TTC7B: variants seen among roughly 807,000 people sequenced by gnomAD.
TTC7B encodes tetratricopeptide repeat domain 7B.
In TTC7B, 28 loss-of-function variants were observed where a neutral mutation model predicts 106.8. The observed-to-expected ratio is 0.26, with a 90% CI of 0.19 to 0.36. The LOEUF (loss-of-function observed/expected upper bound fraction) is 0.36. TTC7B is among the 10% of genes least tolerant of loss of function. TTC7B has a pLI of 1.00. For synonymous variants in TTC7B, 405 were observed against 430.6 expected, an observed-to-expected ratio of 0.94 and a Z score of 0.74; for missense variants, 862 against 1,076.4, an observed-to-expected ratio of 0.80 and a Z score of 2.79.
chr14:90,744,398 C>T (rs1175309402), intron 4 of TTC7B, among the ~76,000 whole-genome samples: 1 of 152,144 alleles, frequency 6.6e-6, no homozygotes, highest in African/African-American at 2.4e-5. Context: ...ACTGCAACCT[C>T]CATCTCCTGG....
chr14:90,690,954 T>C (rs1053244044), intron 6 of TTC7B, among the ~76,000 whole-genome samples: 9 of 151,920 alleles, frequency 5.9e-5, no homozygotes, highest in African/African-American at 1.9e-4. Flanking sequence ...TAAATGTCTA[T>C]AAAAATGTGA....
chr14:90,647,712 A>T (rs184859115), intron 13 of TTC7B, among the ~76,000 whole-genome samples: 208 of 152,270 alleles, frequency 1.4e-3, no homozygotes, highest in Non-Finnish European at 2.5e-3. Context: ...GCTGATTGCA[A>T]ACGTGGTCTT....
chr14:90,816,309 G>GGCCCGGCC lies in TTC7B; in HGVS notation c.-22_-15dup. 2.7e-6 allele frequency: 3 copies of GGCCCGGCC among 1,127,560 alleles called. No individual in the cohort carries two copies. Among genetic ancestry groups the GGCCCGGCC allele is most frequent in the Non-Finnish European group, 3.3e-6 (3 of 900,554 alleles). The allele number at this position is 1,127,560 out of a possible 1,614,324, so 69.8% of individuals were successfully genotyped here. On this transcript the variant is annotated 5_prime_UTR_variant, in exon 1 of 20. Transcript: ENST00000328459. Reference sequence around the variant, plus strand: ...CTTGGTCGCCATCGCGGCCTGGCCGGGCCCGGCCGCCCGCCCCGCAGGCCC... The same window carrying GGCCCGGCC: ...CTTGGTCGCCATCGCGGCCTGGCCGGGCCCGGCCGCCCGGCCGCCCGCCCCGCAGGCCC...
intron 3 of TTC7B, among the ~76,000 whole-genome samples, chr14:90,762,981 T>C (rs1890549929): frequency 6.6e-6 from 1 of 152,156 alleles, no homozygotes. Context: ...CTTAAAGAAC[T>C]ACCACCAATT....
chr14:90,634,575 C>T (rs1438972342), intron 15 of TTC7B, among the ~76,000 whole-genome samples: 1 of 152,030 alleles, frequency 6.6e-6, no homozygotes, highest in East Asian at 1.9e-4. Flanking sequence ...AGTTCAAGAC[C>T]AGCCCGGCCA....
At chr14:90,603,833 C>A (rs970686464) in intron 17 of TTC7B, among the ~76,000 whole-genome samples, 1 of 152,160 alleles carries the variant, frequency 6.6e-6, no homozygotes, top group Admixed American at 6.5e-5. Context: ...TGTTTTCCCC[C>A]CTCTAACTAA....
intron 14 of TTC7B, among the ~76,000 whole-genome samples, chr14:90,646,493 G>A (rs1885460374): frequency 6.6e-6 from 1 of 152,186 alleles, no homozygotes; most frequent in African/African-American, 2.4e-5. Context: ...TAAAGGACCT[G>A]GTTCTTTTGT....
chr14:90,665,777 A>C (rs1316249088), intron 9 of TTC7B, among the ~76,000 whole-genome samples: 2 of 152,238 alleles, frequency 1.3e-5, no homozygotes, highest in Non-Finnish European at 2.9e-5. Flanking sequence ...AAAAGTTCTT[A>C]TGACATAGAT....
intron 17 of TTC7B, among the ~76,000 whole-genome samples, chr14:90,605,945 T>C (rs1892621317): frequency 6.6e-6 from 1 of 152,238 alleles, no homozygotes; most frequent in Admixed American, 6.5e-5. Context: ...AATTTGTTTT[T>C]CCACTGGTTA....
At chr14:90,613,862 C>T (rs910118947) in intron 16 of TTC7B, among the ~76,000 whole-genome samples, 4 of 152,242 alleles carry the variant, frequency 2.6e-5, no homozygotes, top group African/African-American at 9.6e-5. Flanking sequence ...TGCGTAGATG[C>T]GCACATGCAG....
rs113630219 is a variant in TTC7B, at chr14:90,723,908, C to T, written c.698+6167G>A. 1.8e-4 allele frequency among the ~76,000 whole-genome samples: 28 copies of T among 152,308 alleles called. 2 individuals are homozygous for T. Among genetic ancestry groups the T allele is most frequent in the East Asian group, 1.3e-3 (7 of 5,186 alleles). On this transcript the variant is annotated intron_variant, in intron 5 of 19. Coordinates refer to ENST00000328459, the MANE Select transcript of TTC7B (RefSeq NM_001010854.2). Reference sequence around the variant, plus strand: ...TACTTAGCAGAACTCAACAAATACTCGTTGAATAACTGACCAAACCCACTG... The same window carrying T: ...TACTTAGCAGAACTCAACAAATACTTGTTGAATAACTGACCAAACCCACTG...
At position 90,624,228 on chromosome 14, in the gene TTC7B, G is replaced by T. The variant is rs1884341779; in HGVS notation, c.1752-6183C>A. 6.6e-6 allele frequency among the ~76,000 whole-genome samples: 1 copy of T among 152,172 alleles called. No individual in the cohort carries two copies. Among genetic ancestry groups the T allele is most frequent in the South Asian group, 2.1e-4 (1 of 4,830 alleles). On this transcript the variant is annotated intron_variant, in intron 15 of 19. Coordinates refer to ENST00000328459, the MANE Select transcript of TTC7B (RefSeq NM_001010854.2). This position sits in a 1 kb window ranked among gnomAD's most constrained non-coding sequence, Gnocchi z 4.0. Reference sequence around the variant, plus strand: ...GTTTTACTTTTCATTAAAACAAATAGAAATACTATTTTACTGTACTTCTGG... The same window carrying T: ...GTTTTACTTTTCATTAAAACAAATATAAATACTATTTTACTGTACTTCTGG...
intron 19 of TTC7B, among the ~76,000 whole-genome samples, chr14:90,551,354 G>A (rs1890072999): frequency 6.6e-6 from 1 of 152,132 alleles, no homozygotes; most frequent in African/African-American, 2.4e-5. Context: ...CAGGGGCTAT[G>A]TCCATGGTAG....
chr14:90,647,107 C>A, intron 13 of TTC7B, 84 bp from the exon 14 acceptor site: 1 of 1,136,470 alleles, frequency 8.8e-7, no homozygotes. Flanking sequence ...TCCACATTTG[C>A]ATTCTTATAC....
chr14:90,660,303 T>A (rs1886137192), intron 9 of TTC7B, among the ~76,000 whole-genome samples: 1 of 139,110 alleles, frequency 7.2e-6, no homozygotes, highest in Non-Finnish European at 1.5e-5. Context: ...GGAGGGAGAA[T>A]AGCTTGAGCC....
At chr14:90,555,136 TAG>T (rs956780225) in intron 19 of TTC7B, among the ~76,000 whole-genome samples, 26 of 152,112 alleles carry the variant, frequency 1.7e-4, no homozygotes, top group Non-Finnish European at 3.4e-4. Flanking sequence ...CTGAGATCTC[TAG>T]AGAGGGTAGC....
intron 18 of TTC7B, among the ~76,000 whole-genome samples, chr14:90,584,965 G>A (rs1891653701): frequency 6.6e-6 from 1 of 152,162 alleles, no homozygotes; most frequent in Non-Finnish European, 1.5e-5. Context: ...TCAAGGCCTA[G>A]AGAGGCCTTC....
At chr14:90,649,900 T>G (rs1183503442) in intron 13 of TTC7B, among the ~76,000 whole-genome samples, 2 of 152,150 alleles carry the variant, frequency 1.3e-5, no homozygotes, top group Non-Finnish European at 2.9e-5. Context: ...CTTTCCTTGA[T>G]GAGCTCCCAC....
intron 15 of TTC7B, among the ~76,000 whole-genome samples, chr14:90,634,829 A>G (rs373280977): frequency 6.6e-6 from 1 of 152,306 alleles, no homozygotes; most frequent in East Asian, 1.9e-4. Flanking sequence ...AATAGCTGGG[A>G]ACTTCTTGGA....
Sources: allele counts gnomAD v4.1 joint callset (sites outside exome capture counted in the v4.1 genomes callset), GRCh38; gene constraint gnomAD v4.1.1; non-coding constraint Gnocchi (gnomAD v3.1); transcripts MANE v1.5; gene names NCBI Gene and HGNC (gene_info 2026-07-23, HGNC 2026-07-21).